Variants in LRRC19 observed in about 807,000 individuals in gnomAD.
LRRC19 encodes the protein leucine-rich repeat-containing protein 19.
In LRRC19, 33 loss-of-function variants were observed where a neutral mutation model predicts 33.3. The observed-to-expected ratio is 0.99, with a 90% CI of 0.75 to 1.33. LRRC19 has a LOEUF of 1.33. LRRC19 is among the 40% of genes most tolerant of loss of function. LRRC19 has a pLI of 0.00. For missense variants in LRRC19, 463 were observed against 417.3 expected (o/e 1.11, Z -0.95); for synonymous variants, 184 against 152.3 (o/e 1.21, Z -1.53).
At chr9:27,001,109 G>A (rs116679178) in intron 1 of LRRC19, among the ~76,000 whole-genome samples, 91 of 152,104 alleles carry the variant, frequency 6.0e-4, no homozygotes, top group African/African-American at 1.4e-3. Flanking sequence ...CTCCGGTTCC[G>A]TTTTTGTTGC....
At chr9:26,996,091 A>G (rs1176194998) in intron 4 of LRRC19, among the ~76,000 whole-genome samples, 1 of 152,200 alleles carries the variant, frequency 6.6e-6, no homozygotes, top group African/African-American at 2.4e-5. Context: ...TGACTAGACT[A>G]GTTAAAACAA....
chr9:26,997,482 C>T (rs1828227186), intron 3 of LRRC19, among the ~76,000 whole-genome samples: 2 of 151,896 alleles, frequency 1.3e-5, no homozygotes, highest in Admixed American at 6.6e-5. Context: ...TACAGGCATG[C>T]GCCACCATAC....
rs188866145 is a variant in LRRC19 at position 26,993,716 on chromosome 9, C to T, written c.*1805G>A. ...CACAGAAATAGCATACTATACCATA[C>T]ACAACATACACAGAAGTAGCATATT... On this transcript the variant is annotated 3_prime_UTR_variant, in exon 5 of 5. Coordinates refer to ENST00000380055, the MANE Select transcript of LRRC19 (RefSeq NM_022901.3). The T allele has an allele frequency of 1.1e-4, 17 of 152,214 alleles. No individual in the cohort carries two copies. Among genetic ancestry groups the T allele is most frequent in the Non-Finnish European group, 1.5e-4 (10 of 68,008 alleles). The allele number at this position is 152,214 out of a possible 1,614,324, so 9.4% of individuals were successfully genotyped here.
At chr9:26,998,873 A>G (rs1828314940) in intron 2 of LRRC19, among the ~76,000 whole-genome samples, 1 of 151,948 alleles carries the variant, frequency 6.6e-6, no homozygotes, top group South Asian at 2.1e-4. Context: ...AAGCACCTGT[A>G]ATCCCAGCTA....
intron 1 of LRRC19, among the ~76,000 whole-genome samples, chr9:27,004,253 TA>T: frequency 6.6e-6 from 1 of 152,290 alleles, no homozygotes; most frequent in South Asian, 2.1e-4. Flanking sequence ...TCAAGTGCGC[TA>T]AAAGAAAAAA....
Position 26,994,807 on chromosome 9 carries a change from T to C in LRRC19, c.*714A>G, listed in dbSNP as rs892416545. ...AATCTCCCAGAGAGAGGTGGAAATA[T>C]GTATTTTTAAAACAAGATTTATAGA... is the stretch of plus-strand genomic sequence containing the variant. On this transcript the variant is annotated 3_prime_UTR_variant, in exon 5 of 5. Coordinates refer to ENST00000380055, the MANE Select transcript of LRRC19 (RefSeq NM_022901.3). The C allele has an allele frequency of 6.6e-6, 1 of 152,600 alleles. No individual in the cohort carries two copies. The highest frequency in any genetic ancestry group is 1.9e-4 in the East Asian group (1 of 5,190). 9.5% of individuals were successfully genotyped at this position (152,600 alleles called of 1,614,324 possible).
intron 2 of LRRC19, among the ~76,000 whole-genome samples, chr9:26,999,308 C>G (rs1828347788): frequency 6.6e-6 from 1 of 152,086 alleles, no homozygotes; most frequent in Non-Finnish European, 1.5e-5. Flanking sequence ...CAGTTTCTCT[C>G]ATAAATATGT....
rs529798614 is a variant in LRRC19 at position 26,996,109 on chromosome 9, G to C, written c.784+202C>G. 5.9e-5 allele frequency among the ~76,000 whole-genome samples: 9 copies of C among 152,300 alleles called. No homozygotes were observed. The East Asian group carries it at 1.4e-3, about 23-fold the overall frequency. Reference sequence around the variant, plus strand: ...CTAGACTAGTTAAAACAAAGGCTCAGAGAAGTTAAATAATTTGCACGATGG... The same window carrying C: ...CTAGACTAGTTAAAACAAAGGCTCACAGAAGTTAAATAATTTGCACGATGG... On this transcript the variant is annotated intron_variant, in intron 4 of 4. Transcript: ENST00000380055.
Position 26,993,418 on chromosome 9 carries a change from A to G in LRRC19, c.*2103T>C, listed in dbSNP as rs913494845. The G allele has an allele frequency of 2.0e-5, 3 of 152,528 alleles. No homozygotes were observed. The highest frequency in any genetic ancestry group is 7.2e-5 in the African/African-American group (3 of 41,450). The allele number at this position is 152,528 out of a possible 1,614,324, so 9.4% of individuals were successfully genotyped here. On this transcript the variant is annotated 3_prime_UTR_variant, in exon 5 of 5. Transcript: ENST00000380055. ...TATAAAGAAACATTAGCCATAATAT[A>G]CTTATATCCTTTGTTGAAAACATGT...
intron 1 of LRRC19, among the ~76,000 whole-genome samples, chr9:27,004,544 G>T (rs1311352928): frequency 6.6e-6 from 1 of 152,038 alleles, no homozygotes; most frequent in African/African-American, 2.4e-5. Flanking sequence ...AGCATTATTG[G>T]GTGTCTTTAA....
Position 26,995,583 on chromosome 9 carries a change from C to G in LRRC19, c.1051G>C (p.Asp351His), listed in dbSNP as rs1441434523. 2 of 1,601,360 alleles carry G rather than the reference C, an allele frequency of 1.2e-6. No homozygotes were observed. The highest frequency in any genetic ancestry group is 1.3e-5 in the African/African-American group (1 of 74,760). ...TTGTCTTCAATAAATCCATCATCATCTACCACAAATGAATGTAATTGTTCA... is the reference window on the plus strand; with the variant it reads ...TTGTCTTCAATAAATCCATCATCATGTACCACAAATGAATGTAATTGTTCA... ...IFEQLHSFVV[D>H]DDGFIEDKYI... Residue 351 changes from aspartate (D) to histidine (H), a missense_variant, in exon 5 of 5, where the codon GAT (aspartate) becomes CAT (histidine). Asp to His is a moderately conservative substitution (Grantham distance 81). Coordinates refer to ENST00000380055, the MANE Select transcript of LRRC19 (RefSeq NM_022901.3).
chr9:27,005,352 T>TCCCCCCCCCCC (rs1443234170), intron 1 of LRRC19, among the ~76,000 whole-genome samples: 2 of 18,950 alleles, frequency 1.1e-4, no homozygotes, highest in African/African-American at 3.4e-4. Flanking sequence ...TGAAACCATT[T>TCCCCCCCCCCC]CCCCCCCCGC....
intron 2 of LRRC19, 29 bp from the exon 3 acceptor site, chr9:26,998,270 A>G (rs1290329636): frequency 3.2e-6 from 4 of 1,268,504 alleles, no homozygotes; most frequent in Non-Finnish European, 4.2e-6. Context: ...GAAAGGCATT[A>G]ATCAGAAAAA....
intron 1 of LRRC19, among the ~76,000 whole-genome samples, chr9:27,001,347 T>G (rs1278113804): frequency 6.6e-6 from 1 of 152,172 alleles, no homozygotes; most frequent in East Asian, 1.9e-4. Context: ...CAAATGTAAA[T>G]GTAAGTGTTA....
rs1828166480 is a variant in LRRC19, at chr9:26,996,506, A to T, written c.596-7T>A. ...ATGGTGATGTTCTCATTTTCTAGTA[A>T]ATCAGAAAGAATAAGATTTAGTATA... is the stretch of plus-strand genomic sequence containing the variant. On this transcript the variant is annotated splice_polypyrimidine_tract_variant and splice_region_variant and intron_variant, in intron 3 of 4. Coordinates refer to ENST00000380055, the MANE Select transcript of LRRC19 (RefSeq NM_022901.3). The T allele has an allele frequency of 2.1e-6, 3 of 1,417,644 alleles. No individual in the cohort carries two copies. Among genetic ancestry groups the T allele is most frequent in the Non-Finnish European group, 2.8e-6 (3 of 1,071,838 alleles). 87.8% of individuals were successfully genotyped at this position (1,417,644 alleles called of 1,614,324 possible).
chr9:26,995,286 A>T lies in LRRC19; in HGVS notation c.*235T>A. 7.8e-6 allele frequency: 3 copies of T among 383,392 alleles called. No individual in the cohort carries two copies. The highest frequency in any genetic ancestry group is 1.4e-5 in the Non-Finnish European group (3 of 210,238). The allele number at this position is 383,392 out of a possible 1,614,324, so 23.7% of individuals were successfully genotyped here. A position where few individuals can be genotyped will look rare whatever the true frequency, so the allele number is the denominator to read the frequency against. On this transcript the variant is annotated 3_prime_UTR_variant, in exon 5 of 5. Transcript: ENST00000380055. ...TATGGTCACCCAAGCACTGCTAAGA[A>T]TAGTAGTGCTAGTATTGTAGACTAT... is the stretch of plus-strand genomic sequence containing the variant.
At position 26,994,650 on chromosome 9, in the gene LRRC19, A is replaced by G. The variant is rs974259550; in HGVS notation, c.*871T>C. ...CTTCTTCTTCTGTAAATACTTGTGA[A>G]TGTCTCTCTGGAAATTAGTATTCTA... On this transcript the variant is annotated 3_prime_UTR_variant, in exon 5 of 5. Coordinates refer to ENST00000380055, the MANE Select transcript of LRRC19 (RefSeq NM_022901.3). The G allele has an allele frequency of 6.6e-6, 1 of 152,528 alleles. No homozygotes were observed. The highest frequency in any genetic ancestry group is 1.5e-5 in the Non-Finnish European group (1 of 68,024). 9.4% of individuals were successfully genotyped at this position (152,528 alleles called of 1,614,324 possible).
Position 26,999,778 on chromosome 9 carries a change from T to C in LRRC19, c.-9-75A>G. ...TTTTGAATCTGTTTATTCTTTTTTT[T>C]TTTTTTTTTTTTTGGCTGAGACAGG... On this transcript the variant is annotated intron_variant, in intron 1 of 4. Coordinates refer to ENST00000380055, the MANE Select transcript of LRRC19 (RefSeq NM_022901.3). 4.4e-6 allele frequency: 4 copies of C among 914,704 alleles called. No individual in the cohort carries two copies. In the East Asian group the frequency reaches 8.4e-5, roughly 19 times the overall value. 56.7% of individuals were successfully genotyped at this position (914,704 alleles called of 1,614,324 possible).
chr9:26,994,124 TTAG>T lies in LRRC19; in HGVS notation c.*1394_*1396del, dbSNP rs1156855402. On this transcript the variant is annotated 3_prime_UTR_variant, in exon 5 of 5. Coordinates refer to ENST00000380055, the MANE Select transcript of LRRC19 (RefSeq NM_022901.3). ...TGGAATGTTATTGAACTACGAGCTC[TTAG>T]TAGATGTAACTGAAAGAATGGGTTT... 6.6e-6 allele frequency: 1 copy of T among 152,218 alleles called. No individual in the cohort carries two copies. The highest frequency in any genetic ancestry group is 6.5e-5 in the Admixed American group (1 of 15,276). 9.4% of individuals were successfully genotyped at this position (152,218 alleles called of 1,614,324 possible). A position where few individuals can be genotyped will look rare whatever the true frequency, so the allele number is the denominator to read the frequency against.
Sources: allele counts gnomAD v4.1 joint callset (sites outside exome capture counted in the v4.1 genomes callset), GRCh38; gene constraint gnomAD v4.1.1; transcripts MANE v1.5; gene names NCBI Gene and HGNC (gene_info 2026-07-23, HGNC 2026-07-21).